Variants in USP39 observed in about 807,000 individuals in gnomAD.
The protein encoded by USP39 is ubiquitin specific peptidase 39.
Under a neutral mutation model 66.4 loss-of-function variants are expected in USP39, and 38 were observed. The ratio of observed to expected loss-of-function variants is 0.57; its 90% CI spans 0.44 to 0.75. USP39 has a LOEUF of 0.75. Among genes scored for constraint, USP39 ranks in the 30% least tolerant of loss-of-function variants. The pLI is 0.00. For synonymous variants in USP39, 303 were observed against 274.6 expected (o/e 1.10, Z -1.02); for missense variants, 608 against 714.4 (o/e 0.85, Z 1.70).
chr2:85,611,898 G>A (rs370522883), upstream of USP39: 32 of 1,595,222 alleles, frequency 2.0e-5, no homozygotes, highest in Non-Finnish European at 2.5e-5. Flanking sequence ...GGTTCCGTCG[G>A]ATATGGTGCA....
At chr2:85,623,349 A>G (rs1674606177) in intron 3 of USP39, among the ~76,000 whole-genome samples, 1 of 149,178 alleles carries the variant, frequency 6.7e-6, no homozygotes, top group South Asian at 2.1e-4. Flanking sequence ...TATGTATTAT[A>G]TATAGATATA....
chr2:85,616,894 G>A (rs1027700928), intron 1 of USP39, among the ~76,000 whole-genome samples: 1 of 151,758 alleles, frequency 6.6e-6, no homozygotes, highest in African/African-American at 2.4e-5. Flanking sequence ...GTTTCATCGT[G>A]TTAGCCAGGA....
chr2:85,643,467 C>G (rs909307745), intron 10 of USP39, among the ~76,000 whole-genome samples: 2 of 151,360 alleles, frequency 1.3e-5, no homozygotes, highest in Admixed American at 6.6e-5. Flanking sequence ...GCACTCCAGT[C>G]TGGGCGACAG....
chr2:85,627,328 C>CTCG (rs1369996978), intron 5 of USP39, among the ~76,000 whole-genome samples: 2 of 152,138 alleles, frequency 1.3e-5, no homozygotes, highest in Non-Finnish European at 2.9e-5. Context: ...AACTCCTGAC[C>CTCG]TCGTGGTCCA....
upstream of USP39, chr2:85,612,504 C>G: frequency 1.1e-6 from 1 of 914,142 alleles, no homozygotes; most frequent in Non-Finnish European, 1.6e-6. Flanking sequence ...AGTGCTCAGG[C>G]AGGGCAACAG....
chr2:85,633,899 G>T (rs962785003), intron 6 of USP39, among the ~76,000 whole-genome samples: 3 of 138,550 alleles, frequency 2.2e-5, no homozygotes, highest in African/African-American at 8.6e-5. Flanking sequence ...GTGCAGTGGC[G>T]GGATCTCGGC....
At chr2:85,616,175 A>G, upstream of USP39, 2 of 1,401,642 alleles carry the variant, frequency 1.4e-6, no homozygotes, top group Non-Finnish European at 1.9e-6. Flanking sequence ...CCTGCGCTGG[A>G]CGACTCGGCC....
upstream of USP39, chr2:85,611,520 G>A (rs1229740264): frequency 6.4e-6 from 10 of 1,550,904 alleles, no homozygotes; most frequent in Non-Finnish European, 8.7e-6. Context: ...TCATTCAGCG[G>A]AGATTTGGGA....
At chr2:85,613,130 T>C (rs1454042354), upstream of USP39, among the ~76,000 whole-genome samples, 1 of 151,514 alleles carries the variant, frequency 6.6e-6, no homozygotes, top group Non-Finnish European at 1.5e-5. Flanking sequence ...GATGCCGAAG[T>C]GGGAGTATCG....
At chr2:85,647,811 T>C (rs902347308) in intron 11 of USP39, 119 bp from the exon 12 acceptor site, 4 of 788,218 alleles carry the variant, frequency 5.1e-6, no homozygotes, top group Non-Finnish European at 8.2e-6. Flanking sequence ...TTATGACTGT[T>C]GCTGGATGAT....
At chr2:85,625,729 A>C (rs754779387) in intron 5 of USP39, 38 bp downstream of exon 5, 2 of 1,601,792 alleles carry the variant, frequency 1.2e-6, no homozygotes, top group Non-Finnish European at 1.7e-6. Flanking sequence ...AGAGAAGGAC[A>C]CCCAGAAGGC....
At chr2:85,627,974 A>T (rs551231918) in intron 5 of USP39, among the ~76,000 whole-genome samples, 1 of 152,074 alleles carries the variant, frequency 6.6e-6, no homozygotes, top group South Asian at 2.1e-4. Flanking sequence ...TTGGCCTTTA[A>T]ATTTTTTAAG....
chr2:85,631,313 C>CTTTTTTT (rs57173306), intron 6 of USP39, among the ~76,000 whole-genome samples: 1 of 126,290 alleles, frequency 7.9e-6, no homozygotes, highest in Non-Finnish European at 1.6e-5. Flanking sequence ...TGCGCCCGGC[C>CTTTTTTT]TTTTTTTTTT....
intron 11 of USP39, among the ~76,000 whole-genome samples, chr2:85,646,450 A>G (rs972849418): frequency 2.0e-4 from 30 of 152,330 alleles, no homozygotes; most frequent in Middle Eastern, 3.4e-3. Context: ...CATCTTTTTT[A>G]CAGAGGAGGA....
chr2:85,622,634 T>G (rs926258574), intron 3 of USP39, among the ~76,000 whole-genome samples: 4 of 149,144 alleles, frequency 2.7e-5, no homozygotes, highest in African/African-American at 5.1e-5. Context: ...TTTTTTTTTT[T>G]GGAATATTCT....
chr2:85,640,320 A>C, intron 9 of USP39, among the ~76,000 whole-genome samples: 1 of 147,286 alleles, frequency 6.8e-6, no homozygotes, highest in African/African-American at 2.5e-5. Context: ...ATGGAGTCTC[A>C]CTCTGTTGCC....
chr2:85,647,146 C>A (rs1676706030), intron 11 of USP39, among the ~76,000 whole-genome samples: 1 of 152,076 alleles, frequency 6.6e-6, no homozygotes, highest in South Asian at 2.1e-4. Context: ...ACCTCGGCCT[C>A]CCAAAATGCT....
intron 9 of USP39, among the ~76,000 whole-genome samples, chr2:85,640,405 C>T: frequency 6.6e-6 from 1 of 151,706 alleles, no homozygotes. Context: ...TCTTCTGCCT[C>T]AGCCTCCCGA....
upstream of USP39, chr2:85,609,645 A>G (rs2104149257): frequency 5.0e-6 from 8 of 1,589,348 alleles, no homozygotes; most frequent in South Asian, 1.1e-5. Context: ...GGCCCTGTCC[A>G]TAGAGATGCT....
Sources: gnomAD v4.1 joint callset for allele counts (sites outside exome capture counted in the v4.1 genomes callset) on GRCh38, gnomAD v4.1.1 for gene constraint, MANE v1.5 for transcripts, NCBI Gene and HGNC (gene_info 2026-07-23, HGNC 2026-07-21) for gene names.